Variants in TDRD7 observed in about 807,000 individuals in gnomAD.
TDRD7 encodes tudor domain-containing protein 7.
Under a neutral mutation model 109.8 loss-of-function variants are expected in TDRD7, and 47 were observed. That is an observed-to-expected ratio of 0.43 (90% CI 0.34 to 0.55). The LOEUF (loss-of-function observed/expected upper bound fraction) is 0.55, where lower values mean the gene tolerates loss of function less well. Ranked by LOEUF, TDRD7 falls within the 20% of genes least tolerant of loss-of-function variation. The pLI, the probability that TDRD7 is intolerant of heterozygous loss-of-function variation, is 0.03. For synonymous variants in TDRD7, 424 were observed against 457.3 expected (o/e 0.93, Z 0.93); for missense variants, 1,164 against 1,319.2 (o/e 0.88, Z 1.82).
chr9:97,430,782 C>T, intron 2 of TDRD7, 151 bp from the exon 3 acceptor site: 2 of 879,848 alleles, frequency 2.3e-6, no homozygotes, highest in Admixed American at 2.0e-5. Flanking sequence ...TAATTTTCTT[C>T]TAGCATTATC....
In TDRD7 at chr9:97,495,962, A is replaced by G; in HGVS notation, c.*79A>G. On this transcript the variant is annotated 3_prime_UTR_variant, in exon 17 of 17. Transcript: ENST00000355295. ...TGTAGTAGGCTTAAAAAAAATCTTA[A>G]CTCTGCTACATGGCTCTGACTGCTG... is the stretch of plus-strand genomic sequence containing the variant. 8.9e-7 allele frequency: 1 copy of G among 1,125,842 alleles called. No individual in the cohort carries two copies. The highest frequency in any genetic ancestry group is 1.3e-6 in the Non-Finnish European group (1 of 743,106). The allele number at this position is 1,125,842 out of a possible 1,614,324, so 69.7% of individuals were successfully genotyped here.
intron 1 of TDRD7, among the ~76,000 whole-genome samples, chr9:97,417,476 C>T (rs1475219183): frequency 6.6e-6 from 1 of 152,188 alleles, no homozygotes; most frequent in Non-Finnish European, 1.5e-5. Context: ...AGAGATGTTG[C>T]TGACACGGAC....
At chr9:97,474,177 A>G (rs1828970496) in intron 11 of TDRD7, among the ~76,000 whole-genome samples, 1 of 152,142 alleles carries the variant, frequency 6.6e-6, no homozygotes, top group Admixed American at 6.5e-5. Flanking sequence ...CTTTAATTCT[A>G]CTATTTTTTT....
Position 97,429,700 on chromosome 9 carries a change from A to G in TDRD7, c.207+1028A>G, listed in dbSNP as rs16920171. On this transcript the variant is annotated intron_variant, in intron 2 of 16. Transcript: ENST00000355295. ...CAGACTTAAGCCCTCCTTTCTGTCT[A>G]CTTGCACCTTGTAATACATCCGTTA... Among the ~76,000 whole-genome samples, 1,200 of 152,312 alleles carry G rather than the reference A, an allele frequency of 7.9e-3. 38 individuals carry two copies. In the East Asian group the frequency reaches 0.1, roughly 13 times the overall value.
intron 5 of TDRD7, among the ~76,000 whole-genome samples, chr9:97,440,046 T>C (rs559286146): frequency 2.7e-5 from 4 of 147,692 alleles, no homozygotes; most frequent in Admixed American, 6.7e-5. Context: ...GTTGAAATGC[T>C]TTTTTTTTTA....
intron 1 of TDRD7, among the ~76,000 whole-genome samples, chr9:97,419,923 T>TA (rs1409686146): frequency 2.0e-5 from 3 of 152,182 alleles, no homozygotes; most frequent in Admixed American, 2.0e-4. Flanking sequence ...CTTAAGTATT[T>TA]AACTTATCTG....
In TDRD7 at chr9:97,472,453, C is replaced by T. The variant is rs199550215; in HGVS notation, c.1902C>T (p.Cys634=). The part of the protein sequence containing the change: ...GEDDININAT[C]LKAICDKSLE... The stretch of plus-strand genomic sequence containing the variant: ...ATGATATCAATATCAATGCCACCTG[C>T]TTGAAGGCTATATGTGACAAGTCAC... Residue 634 remains cysteine (C), a synonymous_variant, in exon 10 of 17, where the codon TGC becomes TGT. Coordinates refer to ENST00000355295, the MANE Select transcript of TDRD7 (RefSeq NM_014290.3). The T allele has an allele frequency of 1.2e-5, 20 of 1,613,702 alleles. No individual in the cohort carries two copies. The South Asian group carries it at 1.9e-4, about 15-fold the overall frequency.
chr9:97,464,730 G>A (rs1828793590), intron 7 of TDRD7, 112 bp from the exon 8 acceptor site: 9 of 1,158,736 alleles, frequency 7.8e-6, no homozygotes, highest in South Asian at 3.8e-5. Context: ...AAGCAAGTCT[G>A]AGACTGGAAC....
chr9:97,447,886 G>A (rs1332540274), intron 6 of TDRD7, among the ~76,000 whole-genome samples: 1 of 152,226 alleles, frequency 6.6e-6, no homozygotes, highest in East Asian at 1.9e-4. Context: ...CTCAGGCCAT[G>A]CTAAAGGGAA....
chr9:97,445,671 A>G (rs1828387906), intron 6 of TDRD7, among the ~76,000 whole-genome samples: 1 of 152,232 alleles, frequency 6.6e-6, no homozygotes, highest in Admixed American at 6.5e-5. Flanking sequence ...GGAAGCTGAA[A>G]GAAATTCAGT....
chr9:97,415,952 A>G (rs957718814), intron 1 of TDRD7, among the ~76,000 whole-genome samples: 3 of 152,256 alleles, frequency 2.0e-5, no homozygotes, highest in Non-Finnish European at 2.9e-5. Flanking sequence ...CCAAAGTGAT[A>G]TAGTTTAGAA....
At chr9:97,419,686 C>T (rs1457846199) in intron 1 of TDRD7, among the ~76,000 whole-genome samples, 1 of 152,130 alleles carries the variant, frequency 6.6e-6, no homozygotes, top group Non-Finnish European at 1.5e-5. Context: ...GAATCCACAC[C>T]AGCCCTGTGA....
At chr9:97,461,550 A>C (rs1294236298) in intron 7 of TDRD7, among the ~76,000 whole-genome samples, 1 of 152,264 alleles carries the variant, frequency 6.6e-6, no homozygotes, top group Non-Finnish European at 1.5e-5. Flanking sequence ...CTAAGGCATC[A>C]TTGCCTAGGT....
At chr9:97,447,410 A>G (rs1367459988) in intron 6 of TDRD7, among the ~76,000 whole-genome samples, 1 of 152,208 alleles carries the variant, frequency 6.6e-6, no homozygotes, top group Non-Finnish European at 1.5e-5. Context: ...ATGTGGTATC[A>G]GAAACATAAT....
In TDRD7 at chr9:97,426,673, TTA is replaced by T. The variant is rs1376265633; in HGVS notation, c.-6-1785_-6-1784del. Among the ~76,000 whole-genome samples, 3 of 152,346 alleles carry T rather than the reference TTA, an allele frequency of 2.0e-5. No homozygotes were observed. The East Asian group carries it at 5.8e-4, about 29-fold the overall frequency. On this transcript the variant is annotated intron_variant, in intron 1 of 16. Coordinates refer to ENST00000355295, the MANE Select transcript of TDRD7 (RefSeq NM_014290.3). The stretch of plus-strand genomic sequence containing the variant: ...AGGCTATAGGAATTTTTCAGCTCCA[TTA>T]TGATTTTACAGAACCTCTTTTATAT...
Position 97,473,580 on chromosome 9 carries a change from A to C in TDRD7, c.2033A>C (p.Lys678Thr). 6.2e-7 allele frequency: 1 copy of C among 1,613,860 alleles called. No individual in the cohort carries two copies. The highest frequency in any genetic ancestry group is 8.5e-7 in the Non-Finnish European group (1 of 1,179,812). ...YCQVPCKGLN[K>T]LSDLLRKIED... Reference sequence around the variant, plus strand: ...CAGGTGCCTTGTAAGGGTCTGAACAAGCTCAGTGACCTTCTACGTAAGATA... The same window carrying C: ...CAGGTGCCTTGTAAGGGTCTGAACACGCTCAGTGACCTTCTACGTAAGATA... Residue 678 changes from lysine (K) to threonine (T), a missense_variant, in exon 11 of 17, where the codon AAG becomes ACG. Coordinates refer to ENST00000355295, the MANE Select transcript of TDRD7 (RefSeq NM_014290.3).
chr9:97,430,056 A>G (rs952511444), intron 2 of TDRD7, among the ~76,000 whole-genome samples: 2 of 152,206 alleles, frequency 1.3e-5, no homozygotes, highest in African/African-American at 4.8e-5. Context: ...GAGTAGGAAC[A>G]TATTTTAGCT....
intron 8 of TDRD7, among the ~76,000 whole-genome samples, chr9:97,468,523 T>C (rs566255573): frequency 6.6e-5 from 10 of 152,340 alleles, no homozygotes; most frequent in African/African-American, 2.4e-4. Flanking sequence ...CCACATCCCC[T>C]TGAAGCTGAC....
intron 8 of TDRD7, among the ~76,000 whole-genome samples, chr9:97,467,554 CCTT>C (rs1299332003): frequency 2.6e-5 from 4 of 152,192 alleles, no homozygotes; most frequent in African/African-American, 4.8e-5. Context: ...ACATACAAGT[CCTT>C]CTTCTCAAGA....
Sources: gnomAD v4.1 joint callset for allele counts (sites outside exome capture counted in the v4.1 genomes callset) on GRCh38, gnomAD v4.1.1 for gene constraint, MANE v1.5 for transcripts, NCBI Gene and HGNC (gene_info 2026-07-23, HGNC 2026-07-21) for gene names.